Variants in SYT2 observed in about 807,000 individuals in gnomAD.
SYT2 encodes the protein synaptotagmin 2, also known as synaptotagmin-2.
A neutral mutation model predicts 39.9 loss-of-function variants in SYT2; 15 were observed. The ratio of observed to expected loss-of-function variants is 0.38; its 90% confidence interval spans 0.25 to 0.58. The LOEUF (loss-of-function observed/expected upper bound fraction) is 0.58, where lower values mean the gene tolerates loss of function less well. SYT2 is among the 20% of genes least tolerant of loss of function. The pLI, the probability that SYT2 is intolerant of heterozygous loss-of-function variation, is 0.70. For missense variants in SYT2, 389 were observed against 530.3 expected (o/e 0.73, Z 2.62); for synonymous variants, 181 against 204.5 (o/e 0.89, Z 0.98).
intron 1 of SYT2, among the ~76,000 whole-genome samples, chr1:202,689,613 T>C (rs1337178243): frequency 6.6e-6 from 1 of 152,104 alleles, no homozygotes; most frequent in African/African-American, 2.4e-5. Context: ...CTCATCTGCA[T>C]ACTAAGGTTG....
chr1:202,613,097 T>TTTTTTCC (rs1553336345), intron 1 of SYT2, among the ~76,000 whole-genome samples: 1 of 123,056 alleles, frequency 8.1e-6, no homozygotes, highest in Non-Finnish European at 1.6e-5. Flanking sequence ...TTTTTTTTTT[T>TTTTTTCC]CCAGACAGAG....
chr1:202,659,077 G>T (rs984274190), intron 1 of SYT2, among the ~76,000 whole-genome samples: 2 of 152,094 alleles, frequency 1.3e-5, no homozygotes, highest in African/African-American at 4.8e-5. Context: ...GAGGGAAAAT[G>T]ACAACACCCC....
intron 1 of SYT2, among the ~76,000 whole-genome samples, chr1:202,615,063 A>G (rs888798136): frequency 1.3e-5 from 2 of 152,166 alleles, no homozygotes; most frequent in African/African-American, 4.8e-5. Context: ...AAGAGTTGAA[A>G]ACAGCCAATA....
At chr1:202,690,439 C>A (rs1188376245) in intron 1 of SYT2, among the ~76,000 whole-genome samples, 1 of 152,196 alleles carries the variant, frequency 6.6e-6, no homozygotes, top group Non-Finnish European at 1.5e-5. Flanking sequence ...AGCCCTGCTC[C>A]AGCGCCATTC....
chr1:202,629,428 C>G (rs1691508909), intron 1 of SYT2, among the ~76,000 whole-genome samples: 1 of 152,206 alleles, frequency 6.6e-6, no homozygotes, highest in South Asian at 2.1e-4. Flanking sequence ...TTTGGTTGCT[C>G]AAGCTTTCAA....
chr1:202,634,512 C>A (rs1041775912), intron 1 of SYT2, among the ~76,000 whole-genome samples: 1 of 151,824 alleles, frequency 6.6e-6, no homozygotes, highest in African/African-American at 2.4e-5. Context: ...AAAAAGTATA[C>A]CATTTGACAA....
At chr1:202,665,001 G>C (rs1692455705) in intron 1 of SYT2, among the ~76,000 whole-genome samples, 2 of 152,158 alleles carry the variant, frequency 1.3e-5, no homozygotes. Flanking sequence ...GTCGTTACAG[G>C]TAAGAAGAGT....
rs1437692305 is a variant in SYT2 at position 202,591,844 on chromosome 1, A to G, written c.*4913T>C. 6.5e-6 allele frequency: 1 copy of G among 152,720 alleles called. No individual in the cohort carries two copies. The highest frequency in any genetic ancestry group is 1.5e-5 in the Non-Finnish European group (1 of 68,116). The allele number at this position is 152,720 out of a possible 1,614,324, so 9.5% of individuals were successfully genotyped here. ...CCTCCACAGGGACCCCAGGAAAGGT[A>G]TCCAGAACCATGGAGTCCCACTGCT... On this transcript the variant is annotated 3_prime_UTR_variant, in exon 9 of 9. Transcript: ENST00000367268.
Position 202,596,298 on chromosome 1 carries a change from C to CACAT in SYT2, c.*458_*459insATGT, listed in dbSNP as rs1553333836. 7.9e-3 allele frequency: 630 copies of CACAT among 79,902 alleles called. 2 individuals are homozygous for CACAT. The highest frequency in any genetic ancestry group is 0.012 in the Middle Eastern group (2 of 172). 4.9% of individuals were successfully genotyped at this position (79,902 alleles called of 1,614,324 possible). A position where few individuals can be genotyped will look rare whatever the true frequency, so the allele number is the denominator to read the frequency against. The stretch of plus-strand genomic sequence containing the variant: ...ACACACACACACACACACACACACA[C>CACAT]ACACACACATACACACACACACACA... On this transcript the variant is annotated 3_prime_UTR_variant, in exon 9 of 9. Transcript: ENST00000367268.
chr1:202,678,954 G>A (rs1295147270), intron 1 of SYT2, among the ~76,000 whole-genome samples: 2 of 151,990 alleles, frequency 1.3e-5, no homozygotes, highest in Non-Finnish European at 2.9e-5. Flanking sequence ...CTTAACCAAT[G>A]AAACAGCTTT....
rs528866350 is a variant in SYT2, at chr1:202,705,107, C to T, written c.-18+5151G>A. Among the ~76,000 whole-genome samples, 12 of 152,364 alleles carry T rather than the reference C, an allele frequency of 7.9e-5. No individual in the cohort carries two copies. In the East Asian group the frequency reaches 1.9e-3, roughly 24 times the overall value. On this transcript the variant is annotated intron_variant, in intron 1 of 8. Coordinates refer to ENST00000367268, the MANE Select transcript of SYT2 (RefSeq NM_177402.5). Reference sequence around the variant, plus strand: ...TGCCATAGGTAGAGCTGGTGAGAAGCGGCGAGGAGAGGAGGAAGGGTTCTG... The same window carrying T: ...TGCCATAGGTAGAGCTGGTGAGAAGTGGCGAGGAGAGGAGGAAGGGTTCTG...
intron 1 of SYT2, among the ~76,000 whole-genome samples, chr1:202,656,994 C>T (rs572929005): frequency 1.0e-3 from 155 of 152,368 alleles, no homozygotes; most frequent in Non-Finnish European, 2.0e-3. Context: ...TTTGTCTAAT[C>T]CAAACTGATC....
At position 202,604,504 on chromosome 1, in the gene SYT2, CCCTTCT is replaced by C. The variant is rs748838062; in HGVS notation, c.290_295del (p.Glu97_Lys98del). The C allele has an allele frequency of 6.2e-7, 1 of 1,614,224 alleles. No homozygotes were observed. The highest frequency in any genetic ancestry group is 8.5e-7 in the Non-Finnish European group (1 of 1,180,048). ...GTTCATGGCATTCTTCATGCCTTTG[CCCTTCT>C]CCTTCTTGTTCTTCTTCTTCTTGCA... On this transcript the variant is annotated inframe_deletion, in exon 3 of 9. Transcript: ENST00000367268.
chr1:202,678,102 T>C (rs1295726068), intron 1 of SYT2, among the ~76,000 whole-genome samples: 1 of 151,892 alleles, frequency 6.6e-6, no homozygotes, highest in African/African-American at 2.4e-5. Flanking sequence ...GGCGAAACCT[T>C]GTCTGGACTA....
In SYT2 at chr1:202,653,588, CCA is replaced by C. The variant is rs556612012; in HGVS notation, c.-17-47801_-17-47800del. Among the ~76,000 whole-genome samples the C allele has an allele frequency of 3.3e-5, 5 of 152,220 alleles. No homozygotes were observed. In the South Asian group the frequency reaches 1.0e-3, roughly 32 times the overall value. ...GAACCTGTATGCCCAAAGACCATCCCCAGAGATTGGGAATAGGGAATGGCGGT... is the reference window on the plus strand; with the variant it reads ...GAACCTGTATGCCCAAAGACCATCCCGAGATTGGGAATAGGGAATGGCGGT... On this transcript the variant is annotated intron_variant, in intron 1 of 8. Coordinates refer to ENST00000367268, the MANE Select transcript of SYT2 (RefSeq NM_177402.5).
chr1:202,669,057 T>C (rs1367784556), intron 1 of SYT2, among the ~76,000 whole-genome samples: 1 of 152,194 alleles, frequency 6.6e-6, no homozygotes, highest in Admixed American at 6.5e-5. Context: ...AGTTAATAAA[T>C]TCAGCATGCA....
At chr1:202,708,608 G>A (rs1260868177) in intron 1 of SYT2, among the ~76,000 whole-genome samples, 1 of 152,096 alleles carries the variant, frequency 6.6e-6, no homozygotes, top group Non-Finnish European at 1.5e-5. Flanking sequence ...ATGGGTTGGA[G>A]TTGGACTCCC....
In SYT2 at chr1:202,644,103, G is replaced by T. The variant is rs79892876; in HGVS notation, c.-17-38314C>A. Among the ~76,000 whole-genome samples, 509 of 152,312 alleles carry T rather than the reference G, an allele frequency of 3.3e-3. 13 individuals carry two copies. The East Asian group carries it at 0.063, about 19-fold the overall frequency. Reference sequence around the variant, plus strand: ...GGGGAGCTGGGGAGTTCGCCCCGAGGGCTCCGGCAGCCCGCGGTCCCCACC... The same window carrying T: ...GGGGAGCTGGGGAGTTCGCCCCGAGTGCTCCGGCAGCCCGCGGTCCCCACC... On this transcript the variant is annotated intron_variant, in intron 1 of 8. Transcript: ENST00000367268.
intron 1 of SYT2, among the ~76,000 whole-genome samples, chr1:202,629,897 T>G (rs1572640302): frequency 1.0e-5 from 1 of 97,950 alleles, no homozygotes; most frequent in Non-Finnish European, 2.6e-5. Flanking sequence ...GGCAGGTGTG[T>G]TGCTCAGAAG....
Sources: gnomAD v4.1 joint callset for allele counts (sites outside exome capture counted in the v4.1 genomes callset) on GRCh38, gnomAD v4.1.1 for gene constraint, MANE v1.5 for transcripts, NCBI Gene and HGNC (gene_info 2026-07-23, HGNC 2026-07-21) for gene names.